LILRB3: variants seen among roughly 807,000 people sequenced by gnomAD.
LILRB3 encodes leukocyte immunoglobulin like receptor B3.
In LILRB3, 32 loss-of-function variants were observed where a neutral mutation model predicts 68.2. The observed-to-expected ratio is 0.47, with a 90% CI of 0.35 to 0.63. The LOEUF is 0.63. Among genes scored for constraint, LILRB3 ranks in the 30% least tolerant of loss-of-function variants. LILRB3 has a pLI of 0.00. For synonymous variants in LILRB3, 185 were observed against 323.1 expected, an observed-to-expected ratio of 0.57 and a Z score of 4.58; for missense variants, 502 against 791.3, an observed-to-expected ratio of 0.63 and a Z score of 4.39.
intron 3 of LILRB3, 26 bp from the exon 4 acceptor site, chr19:54,222,156 A>G: frequency 6.2e-7 from 1 of 1,609,578 alleles, no homozygotes; most frequent in Admixed American, 1.7e-5. Flanking sequence ...GCACCGTGTT[A>G]AATGGGGCTC....
chr19:54,222,386 A>C (rs1600920118), exon 3 of LILRB3: 1 of 1,607,996 alleles, frequency 6.2e-7, no homozygotes, highest in Non-Finnish European at 8.5e-7. Flanking sequence ...GGGATGGAGA[A>C]TCTGGCCTTG....
chr19:54,218,460 C>G (rs1360435355), intron 10 of LILRB3, 47 bp from the exon 11 acceptor site: 3 of 1,611,958 alleles, frequency 1.9e-6, no homozygotes, highest in Non-Finnish European at 1.7e-6. Flanking sequence ...TCTGAGACCT[C>G]TCAGTCCTGC....
At chr19:54,217,026 C>T (rs2077522548) in exon 13 of LILRB3, 4 of 1,612,344 alleles carry the variant, frequency 2.5e-6, no homozygotes, top group East Asian at 4.5e-5. Flanking sequence ...CCACTGGGGG[C>T]AGCTCCCGTG....
intron 7 of LILRB3, chr19:54,219,530 C>A: frequency 3.2e-6 from 5 of 1,550,410 alleles, no homozygotes; most frequent in Non-Finnish European, 4.4e-6. Context: ...CCCGGAGCTG[C>A]AGGGAAAGAG....
intron 8 of LILRB3, 140 bp from the exon 9 acceptor site, chr19:54,218,978 C>T: frequency 6.6e-7 from 1 of 1,526,414 alleles, no homozygotes; most frequent in South Asian, 1.3e-5. Flanking sequence ...AAAAAACTCC[C>T]ATGAATACTG....
At position 54,218,713 on chromosome 19, in the gene LILRB3, G is replaced by A. The variant is rs201033386; in HGVS notation, c.1503-31C>T. ...GGAGGACATGGGAGTGTGAGGGGCA[G>A]TGTATGGGCTGTGGTGGGTGGGAGT... On this transcript the variant is annotated intron_variant, in intron 9 of 12. Transcript: ENST00000445347. The A allele has an allele frequency of 9.2e-5, 149 of 1,614,172 alleles. No homozygotes were observed. In the East Asian group the frequency reaches 2.1e-3, roughly 23 times the overall value.
rs979643489 is a variant in LILRB3, at chr19:54,218,235, C to T, written c.1593+126G>A. ...TGAGGTCACAGCAGGCGGGAGGCAG[C>T]ATGCTGGACAAGGAGGGGTCCACCG... On this transcript the variant is annotated intron_variant, in intron 11 of 12. Coordinates refer to ENST00000445347, the Ensembl canonical transcript of LILRB3. 4 of 1,313,962 alleles carry T rather than the reference C, an allele frequency of 3.0e-6. No individual in the cohort carries two copies. In the African/African-American group the frequency reaches 4.3e-5, roughly 14 times the overall value. 81.4% of individuals were successfully genotyped at this position (1,313,962 alleles called of 1,614,324 possible).
At chr19:54,216,733 G>C (rs2077506206) in exon 13 of LILRB3, 1 of 1,135,422 alleles carries the variant, frequency 8.8e-7, no homozygotes, top group Non-Finnish European at 1.1e-6. Flanking sequence ...ACACAGGCTG[G>C]AGTGCAGTGG....
At position 54,217,044 on chromosome 19, in the gene LILRB3, C is replaced by T. The variant is rs374346192; in HGVS notation, c.*49G>A. On this transcript the variant is annotated 3_prime_UTR_variant, in exon 13 of 13. Coordinates refer to ENST00000445347, the Ensembl canonical transcript of LILRB3. ...CTGGGGGCAGCTCCCGTGCCTTCAG[C>T]AGTCCTGAGTCTCCTTCTGCTGAGT... 31 of 1,613,904 alleles carry T rather than the reference C, an allele frequency of 1.9e-5. No homozygotes were observed. The African/African-American group carries it at 3.9e-4, about 20-fold the overall frequency.
At chr19:54,219,620 C>A in intron 7 of LILRB3, 2 of 1,523,304 alleles carry the variant, frequency 1.3e-6, no homozygotes, top group South Asian at 1.2e-5. Flanking sequence ...ACGGGACAGG[C>A]CCCTGTGGAA....
At chr19:54,218,734 G>A in intron 9 of LILRB3, 29 bp downstream of exon 9, 1 of 1,614,116 alleles carries the variant, frequency 6.2e-7, no homozygotes, top group Non-Finnish European at 8.5e-7. Flanking sequence ...GTGGTGGGTG[G>A]GAGTCTGTGG....
Position 54,219,430 on chromosome 19 carries a change from T to C in LILRB3, c.1310-185A>G. 4.0e-6 allele frequency: 6 copies of C among 1,513,454 alleles called. No homozygotes were observed. In the South Asian group the frequency reaches 7.2e-5, roughly 18 times the overall value. The allele number at this position is 1,513,454 out of a possible 1,614,324, so 93.8% of individuals were successfully genotyped here. A position where few individuals can be genotyped will look rare whatever the true frequency, so the allele number is the denominator to read the frequency against. Reference sequence around the variant, plus strand: ...CTGAGGCTCAGAGCAGGGAGTCGCCTGCCCCAGGCCTCCAGCGAGGAAGCG... The same window carrying C: ...CTGAGGCTCAGAGCAGGGAGTCGCCCGCCCCAGGCCTCCAGCGAGGAAGCG... On this transcript the variant is annotated intron_variant, in intron 7 of 12. Transcript: ENST00000445347.
At chr19:54,219,217 A>T (rs749292158) in exon 8 of LILRB3, 2 of 1,597,564 alleles carry the variant, frequency 1.3e-6, no homozygotes, top group East Asian at 2.2e-5. Flanking sequence ...CCGAGACCCC[A>T]ATCAAAACCT....
At chr19:54,218,806 C>G (rs776494696) in exon 9 of LILRB3, 1 of 1,614,020 alleles carries the variant, frequency 6.2e-7, no homozygotes, top group Admixed American at 1.7e-5. Context: ...TCCGCAGCCC[C>G]TGCAGGACGC....
exon 2 of LILRB3, chr19:54,222,755 A>T (rs951801476): frequency 6.2e-7 from 1 of 1,612,570 alleles, no homozygotes; most frequent in Non-Finnish European, 8.5e-7. Context: ...ACCTGCCTGC[A>T]TGCGGGTCCT....
chr19:54,221,668 T>C (rs1302511649), intron 4 of LILRB3, 160 bp downstream of exon 4: 3 of 1,589,166 alleles, frequency 1.9e-6, no homozygotes, highest in African/African-American at 2.8e-5. Context: ...CAAGGGCTCC[T>C]CCTCCCATGT....
At chr19:54,217,083 A>AC (rs751346703) in exon 13 of LILRB3, 2 of 1,613,214 alleles carry the variant, frequency 1.2e-6, no homozygotes, top group Non-Finnish European at 1.7e-6. Context: ...GGGTCTGCGT[A>AC]CCCCCCGGGC....
In LILRB3 at chr19:54,222,713, A is replaced by T. The variant is rs2078324954; in HGVS notation, c.70+34T>A. 3 of 1,612,408 alleles carry T rather than the reference A, an allele frequency of 1.9e-6. No homozygotes were observed. The Admixed American group carries it at 5.0e-5, about 27-fold the overall frequency. On this transcript the variant is annotated intron_variant, in intron 2 of 12. Transcript: ENST00000445347. Reference sequence around the variant, plus strand: ...TGGGTGGCCCCCTGTCCCAGTGAGGAGTAGGGACCTGGGACAGCTGGGGAC... The same window carrying T: ...TGGGTGGCCCCCTGTCCCAGTGAGGTGTAGGGACCTGGGACAGCTGGGGAC...
rs1010480232 is a variant in LILRB3 at position 54,219,523 on chromosome 19, G to A, written c.1310-278C>T. ...TGTTCCTGCACCAGAGCCGAGACCC[G>A]GAGCTGCAGGGAAAGAGCCTGACCG... On this transcript the variant is annotated intron_variant, in intron 7 of 12. Transcript: ENST00000445347. 112 of 1,550,176 alleles carry A rather than the reference G, an allele frequency of 7.2e-5. 2 individuals carry two copies. The highest frequency in any genetic ancestry group is 1.2e-4 in the East Asian group (5 of 40,904).
Sources: gnomAD v4.1 joint callset for allele counts on GRCh38, gnomAD v4.1.1 for gene constraint, MANE v1.5 for transcripts, NCBI Gene and HGNC (gene_info 2026-07-23, HGNC 2026-07-21) for gene names.